Variants in NBAS observed in about 807,000 individuals in gnomAD.
NBAS encodes the protein NAG/BC035112 fusion.
Under a neutral mutation model 302.5 loss-of-function variants are expected in NBAS, and 219 were observed. The observed-to-expected ratio is 0.72, with a 90% CI of 0.65 to 0.81. NBAS has a LOEUF of 0.81. NBAS is among the 30% of genes least tolerant of loss of function. NBAS has a pLI of 0.00. For missense variants in NBAS, 2,932 were observed against 2,841.6 expected, an observed-to-expected ratio of 1.03 and a Z score of -0.72; for synonymous variants, 1,118 against 1,021.6, an observed-to-expected ratio of 1.09 and a Z score of -1.80.
At chr2:14,850,206 T>A in the NBAS span, among the ~76,000 whole-genome samples, 1 of 133,910 alleles carries the variant, frequency 7.5e-6, no homozygotes, top group Non-Finnish European at 1.5e-5. Flanking sequence ...GAGACACATG[T>A]AGGCTCAAAA....
At chr2:15,435,590 G>T (rs1053875608) in intron 21 of NBAS, among the ~76,000 whole-genome samples, 1 of 152,112 alleles carries the variant, frequency 6.6e-6, no homozygotes, top group Non-Finnish European at 1.5e-5. Context: ...GTTGCAGCTG[G>T]AATTTGAACC....
chr2:15,536,336 A>AT, intron 8 of NBAS, 82 bp downstream of exon 8: 1 of 1,529,398 alleles, frequency 6.5e-7, no homozygotes. Context: ...AGAAAGCAAA[A>AT]AAAAAAAGAA....
At chr2:15,192,763 T>C (rs1665423644) in intron 48 of NBAS, among the ~76,000 whole-genome samples, 1 of 152,206 alleles carries the variant, frequency 6.6e-6, no homozygotes, top group Non-Finnish European at 1.5e-5. Flanking sequence ...TTGTAAGAAG[T>C]GTTTCCAATG....
At position 15,383,242 on chromosome 2, in the gene NBAS, T is replaced by C; in HGVS notation, c.3333A>G (p.Thr1111=). 5 of 1,613,970 alleles carry C rather than the reference T, an allele frequency of 3.1e-6. No homozygotes were observed. Among genetic ancestry groups the C allele is most frequent in the Non-Finnish European group, 3.4e-6 (4 of 1,179,876 alleles). ...DMLTMQQNVY[T]CLDSDACYEI... is the part of the protein sequence containing the mutation. ...CATAGCAGGCATCAGAATCTAGACATGTGTATACATTCTGCTGCATAGTTA... is the reference window on the plus strand; with the variant it reads ...CATAGCAGGCATCAGAATCTAGACACGTGTATACATTCTGCTGCATAGTTA... Residue 1111 remains threonine, a synonymous_variant, in exon 29 of 52, where the codon ACA becomes ACG. Coordinates refer to ENST00000281513, the MANE Select transcript of NBAS (RefSeq NM_015909.4).
At chr2:15,342,122 C>G (rs910113179) in intron 35 of NBAS, among the ~76,000 whole-genome samples, 2 of 152,108 alleles carry the variant, frequency 1.3e-5, no homozygotes, top group Non-Finnish European at 2.9e-5. Flanking sequence ...AGGAAATTAC[C>G]TATCCCAGGA....
At chr2:15,152,004 T>C in the NBAS span, among the ~76,000 whole-genome samples, 1 of 152,066 alleles carries the variant, frequency 6.6e-6, no homozygotes, top group Non-Finnish European at 1.5e-5. Flanking sequence ...GTTGTGACCA[T>C]GCCCACCTAA....
chr2:15,328,089 A>C, intron 37 of NBAS, 110 bp downstream of exon 37: 1 of 1,225,048 alleles, frequency 8.2e-7, no homozygotes, highest in South Asian at 1.3e-5. Flanking sequence ...GAATAACATG[A>C]GTAAGAACCA....
At chr2:15,265,951 G>T (rs1669056809) in intron 44 of NBAS, among the ~76,000 whole-genome samples, 1 of 152,154 alleles carries the variant, frequency 6.6e-6, no homozygotes, top group African/African-American at 2.4e-5. Context: ...AATACGGTTT[G>T]GTTCTGTGTT....
the NBAS span, among the ~76,000 whole-genome samples, chr2:14,800,600 A>G: frequency 6.6e-6 from 1 of 152,228 alleles, no homozygotes; most frequent in Non-Finnish European, 1.5e-5. Flanking sequence ...TACATAGTAC[A>G]CATCTTCAAA....
chr2:15,258,093 T>A (rs1668685121), intron 44 of NBAS, among the ~76,000 whole-genome samples: 1 of 152,218 alleles, frequency 6.6e-6, no homozygotes, highest in South Asian at 2.1e-4. Context: ...AGGGACTGGC[T>A]GGAGCCGTGG....
At chr2:15,485,798 A>C (rs1240325678) in intron 12 of NBAS, among the ~76,000 whole-genome samples, 1 of 152,222 alleles carries the variant, frequency 6.6e-6, no homozygotes, top group African/African-American at 2.4e-5. Context: ...GAAAGTAGAG[A>C]GCAGGACAAG....
chr2:14,984,429 A>C, the NBAS span, among the ~76,000 whole-genome samples: 3 of 152,188 alleles, frequency 2.0e-5, no homozygotes, highest in African/African-American at 7.2e-5. Flanking sequence ...ACAAATGAAT[A>C]CATTAAAGGT....
chr2:14,953,788 C>T, the NBAS span, among the ~76,000 whole-genome samples: 1 of 152,134 alleles, frequency 6.6e-6, no homozygotes, highest in African/African-American at 2.4e-5. Flanking sequence ...GAGCAGCTTT[C>T]GTTAGAGTTG....
At chr2:14,834,355 T>C in the NBAS span, among the ~76,000 whole-genome samples, 35 of 152,296 alleles carry the variant, frequency 2.3e-4, no homozygotes, top group Non-Finnish European at 7.4e-5. Context: ...TCTGCACCTA[T>C]GTTTGTGGCA....
chr2:15,547,980 A>G (rs1435579670), intron 6 of NBAS, among the ~76,000 whole-genome samples: 1 of 152,250 alleles, frequency 6.6e-6, no homozygotes, highest in Non-Finnish European at 1.5e-5. Flanking sequence ...ATGTGTATAC[A>G]TGTATACATA....
chr2:14,812,660 A>T, the NBAS span, among the ~76,000 whole-genome samples: 1 of 152,240 alleles, frequency 6.6e-6, no homozygotes. Context: ...ACAGGCTAGG[A>T]ATTTCAAATA....
the NBAS span, among the ~76,000 whole-genome samples, chr2:14,943,210 A>G: frequency 2.6e-5 from 4 of 152,220 alleles, no homozygotes; most frequent in Non-Finnish European, 4.4e-5. Context: ...CAAAACCTTC[A>G]GAATGAAAGG....
At chr2:14,831,573 T>C in the NBAS span, among the ~76,000 whole-genome samples, 1 of 152,210 alleles carries the variant, frequency 6.6e-6, no homozygotes, top group African/African-American at 2.4e-5. Flanking sequence ...TTGTATTGTT[T>C]TATATAAATG....
intron 47 of NBAS, among the ~76,000 whole-genome samples, chr2:15,220,028 G>T (rs1482211606): frequency 6.4e-5 from 9 of 141,476 alleles, no homozygotes; most frequent in Non-Finnish European, 1.4e-4. Flanking sequence ...GCCAGGCGGG[G>T]GGCTGATCCC....
Sources: gnomAD v4.1 joint callset for allele counts (sites outside exome capture counted in the v4.1 genomes callset) on GRCh38, gnomAD v4.1.1 for gene constraint, MANE v1.5 for transcripts, NCBI Gene and HGNC (gene_info 2026-07-23, HGNC 2026-07-21) for gene names.